The following XKR3 variants were observed in gnomAD, a reference collection of about 807,000 sequenced individuals.
The protein encoded by XKR3 is XK related 3.
In XKR3, 27 loss-of-function variants were observed where a neutral mutation model predicts 40.3. The observed-to-expected ratio is 0.67, with a 90% CI of 0.49 to 0.92. XKR3 has a LOEUF of 0.92. Ranked by LOEUF, XKR3 falls within the 40% of genes least tolerant of loss-of-function variation. XKR3 has a pLI of 0.00. For synonymous variants in XKR3, 193 were observed against 195.4 expected, an observed-to-expected ratio of 0.99 and a Z score of 0.10; for missense variants, 472 against 537.6, an observed-to-expected ratio of 0.88 and a Z score of 1.21.
Position 16,783,643 on chromosome 22 carries a change from G to C in XKR3, c.1356C>G (p.Ile452Met). 1 of 1,596,208 alleles carries C rather than the reference G, an allele frequency of 6.3e-7. No homozygotes were observed. The highest frequency in any genetic ancestry group is 8.5e-7 in the Non-Finnish European group (1 of 1,173,876). The change falls in exon 4 of 4, where the codon ATC (isoleucine) becomes ATG (methionine). Residue 452 changes from isoleucine to methionine, a missense_variant. Physicochemically the swap from Ile to Met is conservative, Grantham distance 10 (BLOSUM62 1). Transcript: ENST00000684488. ...TTTATGAACATGTCATACTTTTTCT[G>C]ATTGAAAAATATCCAACCCTATTGC... The part of the protein sequence containing the change: ...HSCNRVGYFS[I>M]RKSMTCS
chr22:16,798,887 A>C (rs1183477947), intron 3 of XKR3, among the ~76,000 whole-genome samples: 1 of 151,306 alleles, frequency 6.6e-6, no homozygotes, highest in Non-Finnish European at 1.5e-5. Flanking sequence ...CCTAAGAAAA[A>C]CTCCCTACTG....
At chr22:16,804,811 T>G (rs1397947978) in intron 2 of XKR3, among the ~76,000 whole-genome samples, 1 of 152,158 alleles carries the variant, frequency 6.6e-6, no homozygotes. Flanking sequence ...ATTTATTAGT[T>G]TATTTGATTG....
At chr22:16,809,928 T>A (rs1289609794) in intron 1 of XKR3, among the ~76,000 whole-genome samples, 1 of 152,144 alleles carries the variant, frequency 6.6e-6, no homozygotes, top group African/African-American at 2.4e-5. Flanking sequence ...AACTTTGGTA[T>A]TTTTGTAGAG....
intron 2 of XKR3, among the ~76,000 whole-genome samples, chr22:16,806,758 A>T (rs2060191502): frequency 6.6e-6 from 1 of 152,172 alleles, no homozygotes; most frequent in African/African-American, 2.4e-5. Flanking sequence ...TTTTAAATCA[A>T]TAACAAAACA....
At chr22:16,801,666 C>G (rs1323293154) in intron 2 of XKR3, among the ~76,000 whole-genome samples, 1 of 145,608 alleles carries the variant, frequency 6.9e-6, no homozygotes, top group African/African-American at 2.5e-5. Flanking sequence ...AGCATAAGAA[C>G]AAGAAATAAA....
At chr22:16,823,559 T>C (rs949928605) in intron 1 of XKR3, among the ~76,000 whole-genome samples, 8 of 152,204 alleles carry the variant, frequency 5.3e-5, no homozygotes, top group African/African-American at 1.9e-4. Flanking sequence ...CACCTTACTT[T>C]TGATCTGCGT....
At chr22:16,810,164 T>C (rs1333187358) in intron 1 of XKR3, among the ~76,000 whole-genome samples, 1 of 152,222 alleles carries the variant, frequency 6.6e-6, no homozygotes, top group Non-Finnish European at 1.5e-5. Flanking sequence ...TGGTACTGAG[T>C]CCCATATTTA....
chr22:16,807,547 A>T (rs571468784), intron 2 of XKR3, among the ~76,000 whole-genome samples, 192 bp downstream of exon 2: 17 of 152,364 alleles, frequency 1.1e-4, no homozygotes, highest in Middle Eastern at 3.4e-3. Flanking sequence ...TTTTTAAAAA[A>T]CTATCATTAC....
intron 1 of XKR3, among the ~76,000 whole-genome samples, chr22:16,824,207 A>G (rs962536826): frequency 7.2e-5 from 11 of 152,186 alleles, no homozygotes; most frequent in Admixed American, 4.6e-4. Flanking sequence ...ATAAAGAGAG[A>G]AGAGTACAAT....
chr22:16,808,929 T>C (rs536410211), intron 1 of XKR3, among the ~76,000 whole-genome samples: 1 of 152,312 alleles, frequency 6.6e-6, no homozygotes, highest in East Asian at 1.9e-4. Flanking sequence ...GCTGTTAATA[T>C]ATTGAAAGCA....
intron 3 of XKR3, among the ~76,000 whole-genome samples, chr22:16,790,893 T>C (rs1601840161): frequency 1.5e-5 from 1 of 66,178 alleles, no homozygotes; most frequent in East Asian, 4.9e-4. Context: ...AAAAGAAACG[T>C]TGAAAAAAAA....
chr22:16,803,134 A>C (rs1354017682), intron 2 of XKR3, among the ~76,000 whole-genome samples: 4 of 152,146 alleles, frequency 2.6e-5, no homozygotes, highest in African/African-American at 9.7e-5. Context: ...AGAATTTAAC[A>C]ATCATTATGT....
chr22:16,785,300 G>T (rs1395209291), intron 3 of XKR3, among the ~76,000 whole-genome samples: 1 of 152,228 alleles, frequency 6.6e-6, no homozygotes, highest in Admixed American at 6.5e-5. Flanking sequence ...CTGGGCGACA[G>T]AGCGAGACTC....
At chr22:16,822,914 G>T (rs2060262473) in intron 1 of XKR3, among the ~76,000 whole-genome samples, 1 of 152,036 alleles carries the variant, frequency 6.6e-6, no homozygotes, top group Admixed American at 6.6e-5. Context: ...GACATGATCT[G>T]CCCTTGTCAC....
rs188892992 is a variant in XKR3 at position 16,808,788 on chromosome 22, A to G, written c.-10-705T>C. 1.3e-3 allele frequency among the ~76,000 whole-genome samples: 197 copies of G among 152,072 alleles called. 1 individual carries two copies. The highest frequency in any genetic ancestry group is 4.6e-3 in the African/African-American group (192 of 41,332). On this transcript the variant is annotated intron_variant, in intron 1 of 3. Coordinates refer to ENST00000684488, the MANE Select transcript of XKR3 (RefSeq NM_001386955.1). ...AATTACTGACATACTGTGAACATCA[A>G]TTAGTCACTATGTGTGGGAAGCAAT...
At chr22:16,817,248 A>G (rs2146178706) in intron 1 of XKR3, among the ~76,000 whole-genome samples, 1 of 152,162 alleles carries the variant, frequency 6.6e-6, no homozygotes, top group Non-Finnish European at 1.5e-5. Context: ...CTCAGAGAAC[A>G]CCAAAACCTA....
intron 1 of XKR3, among the ~76,000 whole-genome samples, chr22:16,811,843 C>T (rs1179746738): frequency 1.3e-5 from 2 of 151,954 alleles, no homozygotes; most frequent in Non-Finnish European, 2.9e-5. Flanking sequence ...CCTGTTTCTA[C>T]TAAAAATACA....
intron 3 of XKR3, among the ~76,000 whole-genome samples, chr22:16,787,089 T>C (rs2060093864): frequency 6.7e-6 from 1 of 149,406 alleles, no homozygotes; most frequent in African/African-American, 2.5e-5. Flanking sequence ...AAGTTGAAGA[T>C]AAAAACACAA....
At chr22:16,798,077 G>A (rs1267442025) in intron 3 of XKR3, among the ~76,000 whole-genome samples, 2 of 151,526 alleles carry the variant, frequency 1.3e-5, no homozygotes, top group African/African-American at 4.8e-5. Context: ...GTACCTGGGA[G>A]GCTGAGGCAG....
Sources: allele counts gnomAD v4.1 joint callset (sites outside exome capture counted in the v4.1 genomes callset), GRCh38; gene constraint gnomAD v4.1.1; transcripts MANE v1.5; gene names NCBI Gene and HGNC (gene_info 2026-07-23, HGNC 2026-07-21).